Variants in KANK1 observed in about 807,000 individuals in gnomAD.
KANK1 encodes the protein KN motif and ankyrin repeat domains 1, also known as KN motif and ankyrin repeat domain-containing protein 1.
KANK1 carries 109 observed loss-of-function variants against 106.2 expected under a neutral mutation model. The ratio of observed to expected loss-of-function variants is 1.03; its 90% CI spans 0.88 to 1.20. The LOEUF (loss-of-function observed/expected upper bound fraction) is 1.20, where lower values mean the gene tolerates loss of function less well. Among genes scored for constraint, KANK1 ranks in the 50% most tolerant of loss-of-function variants. The pLI, the probability that KANK1 is intolerant of heterozygous loss-of-function variation, is 0.00. For missense variants in KANK1, 2,399 were observed against 1,710.7 expected (o/e 1.40, Z -7.10); for synonymous variants, 873 against 652.2 (o/e 1.34, Z -5.16).
At chr9:530,180 G>C (rs1246243593) in intron 1 of KANK1, among the ~76,000 whole-genome samples, 1 of 152,134 alleles carries the variant, frequency 6.6e-6, no homozygotes, top group East Asian at 1.9e-4. Flanking sequence ...GGAGTTGTTT[G>C]CAGTTTGTTC....
At chr9:696,709 A>G (rs2129778538) in intron 2 of KANK1, among the ~76,000 whole-genome samples, 1 of 152,228 alleles carries the variant, frequency 6.6e-6, no homozygotes, top group East Asian at 1.9e-4. Flanking sequence ...TTCTTCTTTA[A>G]AGTGGAGCTC....
intron 3 of KANK1, among the ~76,000 whole-genome samples, chr9:714,348 T>A (rs1023148438): frequency 6.8e-6 from 1 of 147,170 alleles, no homozygotes; most frequent in African/African-American, 2.5e-5. Context: ...GAGAAGGGAG[T>A]CTTTTCCCAC....
At chr9:492,042 C>T (rs138104103) in intron 3 of KANK1, 2 of 152,186 alleles carry the variant, frequency 1.3e-5, no homozygotes, top group Non-Finnish European at 2.9e-5. Flanking sequence ...TTGGGTATGT[C>T]TTTATCAACA....
At chr9:685,019 CA>C (rs1818281729) in intron 2 of KANK1, among the ~76,000 whole-genome samples, 1 of 152,130 alleles carries the variant, frequency 6.6e-6, no homozygotes, top group South Asian at 2.1e-4. Flanking sequence ...ATTCTAAGTT[CA>C]AAAACCAAAA....
At chr9:705,853 G>C (rs901500646) in intron 2 of KANK1, among the ~76,000 whole-genome samples, 4 of 151,754 alleles carry the variant, frequency 2.6e-5, no homozygotes, top group African/African-American at 9.7e-5. Context: ...CACCCTCCTC[G>C]GTCTCCCAAA....
rs577232148 is a variant in KANK1 at position 716,135 on chromosome 9, A to G, written c.2698+2671A>G. ...TACCAAAAAGAGCATATAAATGATCACTTATATGAACCTAACACAGTATTC... is the reference window on the plus strand; with the variant it reads ...TACCAAAAAGAGCATATAAATGATCGCTTATATGAACCTAACACAGTATTC... On this transcript the variant is annotated intron_variant, in intron 3 of 11. Coordinates refer to ENST00000382297, the MANE Select transcript of KANK1 (RefSeq NM_015158.5). Among the ~76,000 whole-genome samples the G allele has an allele frequency of 3.9e-5, 6 of 152,378 alleles. No individual in the cohort carries two copies. In the East Asian group the frequency reaches 7.7e-4, roughly 20 times the overall value.
chr9:646,110 T>G (rs1839614782), intron 1 of KANK1, among the ~76,000 whole-genome samples: 1 of 150,846 alleles, frequency 6.6e-6, no homozygotes, highest in Non-Finnish European at 1.5e-5. Context: ...TAAGTTTGTT[T>G]AGGATACCTA....
chr9:525,282 A>G (rs2059736745), intron 1 of KANK1, among the ~76,000 whole-genome samples: 1 of 151,374 alleles, frequency 6.6e-6, no homozygotes, highest in African/African-American at 2.4e-5. Context: ...GGCGTGAGCT[A>G]CTGCTCCCAG....
intron 1 of KANK1, among the ~76,000 whole-genome samples, chr9:626,124 A>G (rs1834286552): frequency 1.3e-5 from 2 of 152,188 alleles, no homozygotes; most frequent in Admixed American, 1.3e-4. Flanking sequence ...AGGATTACTG[A>G]AGAAATGAAA....
chr9:650,534 C>G (rs1177453333), intron 1 of KANK1, among the ~76,000 whole-genome samples: 2 of 152,090 alleles, frequency 1.3e-5, no homozygotes, highest in African/African-American at 4.8e-5. Context: ...TGCTGCTGGA[C>G]CACAGGCCAT....
chr9:601,520 G>C (rs953789139), intron 1 of KANK1, among the ~76,000 whole-genome samples: 3 of 151,354 alleles, frequency 2.0e-5, no homozygotes, highest in African/African-American at 7.3e-5. Context: ...GCTTTTTTTT[G>C]TTTTGAAAGA....
At chr9:661,224 A>G (rs149139848) in intron 1 of KANK1, among the ~76,000 whole-genome samples, 1 of 152,088 alleles carries the variant, frequency 6.6e-6, no homozygotes, top group Non-Finnish European at 1.5e-5. Flanking sequence ...TGCTGTACCC[A>G]TTAGCTCGTC....
At chr9:566,183 T>C (rs1441125517) in intron 1 of KANK1, among the ~76,000 whole-genome samples, 1 of 152,232 alleles carries the variant, frequency 6.6e-6, no homozygotes, top group African/African-American at 2.4e-5. Context: ...GCAAAGGACA[T>C]GATCTTATTC....
At chr9:579,464 G>C (rs1468650566) in intron 1 of KANK1, among the ~76,000 whole-genome samples, 1 of 152,124 alleles carries the variant, frequency 6.6e-6, no homozygotes, top group East Asian at 1.9e-4. Flanking sequence ...GCTTCTCTCA[G>C]CTCCATCCTC....
intron 6 of KANK1, chr9:733,715 G>A (rs1832925595): frequency 1.3e-5 from 2 of 152,268 alleles, no homozygotes; most frequent in South Asian, 4.1e-4. Context: ...TGAGGCTGCA[G>A]TGAGCCAGTG....
intron 3 of KANK1, among the ~76,000 whole-genome samples, chr9:724,419 G>C (rs949758809): frequency 6.6e-6 from 1 of 152,168 alleles, no homozygotes. Flanking sequence ...TTCAATAATA[G>C]TCAAAACTAT....
At chr9:727,604 C>A (rs1469754837) in intron 3 of KANK1, among the ~76,000 whole-genome samples, 3 of 152,032 alleles carry the variant, frequency 2.0e-5, no homozygotes, top group Non-Finnish European at 4.4e-5. Flanking sequence ...GCATGAGCCA[C>A]CACGCCCAGG....
At chr9:674,759 A>C (rs1436425770) in intron 1 of KANK1, among the ~76,000 whole-genome samples, 1 of 152,188 alleles carries the variant, frequency 6.6e-6, no homozygotes, top group Non-Finnish European at 1.5e-5. Flanking sequence ...GCTGGGGTGC[A>C]GTGGTGCAAT....
chr9:635,692 TTC>T (rs1836939950), intron 1 of KANK1, among the ~76,000 whole-genome samples: 1 of 133,688 alleles, frequency 7.5e-6, no homozygotes, highest in African/African-American at 2.7e-5. Context: ...TTCCTTTTTA[TTC>T]TTTTTTTTTT....
Sources: gnomAD v4.1 joint callset for allele counts (sites outside exome capture counted in the v4.1 genomes callset) on GRCh38, gnomAD v4.1.1 for gene constraint, MANE v1.5 for transcripts, NCBI Gene and HGNC (gene_info 2026-07-23, HGNC 2026-07-21) for gene names.